Variants in FAM227B observed in about 807,000 individuals in gnomAD.
FAM227B encodes family with sequence similarity 227 member B, also known as protein FAM227B.
FAM227B carries 88 observed loss-of-function variants against 73.8 expected under a neutral mutation model. That is an observed-to-expected ratio of 1.19 (90% CI 1.00 to 1.42). The LOEUF is 1.42. FAM227B is among the 40% of genes most tolerant of loss of function. The probability of loss-of-function intolerance (pLI) is 0.00; values close to 1 mark genes in which losing one functional copy is unlikely to be tolerated. For synonymous variants in FAM227B, 210 were observed against 190.5 expected, an observed-to-expected ratio of 1.10 and a Z score of -0.84; for missense variants, 632 against 590.9, an observed-to-expected ratio of 1.07 and a Z score of -0.72.
chr15:49,396,690 CT>C (rs1162601455), intron 11 of FAM227B, among the ~76,000 whole-genome samples: 8 of 151,284 alleles, frequency 5.3e-5, no homozygotes, highest in African/African-American at 1.9e-4. Flanking sequence ...TCCCTGACCC[CT>C]GACCCCCGAG....
chr15:49,335,068 A>G (rs1274891774), intron 14 of FAM227B, among the ~76,000 whole-genome samples: 1 of 152,114 alleles, frequency 6.6e-6, no homozygotes, highest in Non-Finnish European at 1.5e-5. Context: ...GCTCCAGGGA[A>G]TTCCTTCCAC....
chr15:49,511,879 T>C (rs1225979124), intron 10 of FAM227B, among the ~76,000 whole-genome samples: 2 of 152,134 alleles, frequency 1.3e-5, no homozygotes, highest in Admixed American at 1.3e-4. Context: ...GTTGATTCTA[T>C]GTCTTTGCTA....
chr15:49,396,094 C>T, intron 11 of FAM227B: 1 of 426,622 alleles, frequency 2.3e-6, no homozygotes, highest in Non-Finnish European at 4.7e-6. Flanking sequence ...CCAGGTTCAT[C>T]TCACTAGGGA....
chr15:49,405,403 T>C (rs977887118), intron 11 of FAM227B, among the ~76,000 whole-genome samples: 1 of 152,200 alleles, frequency 6.6e-6, no homozygotes, highest in African/African-American at 2.4e-5. Context: ...AGTCATAGAG[T>C]TGGTTTCTTT....
intron 9 of FAM227B, among the ~76,000 whole-genome samples, chr15:49,565,314 G>A (rs1447393027): frequency 6.6e-5 from 10 of 150,844 alleles, no homozygotes; most frequent in African/African-American, 2.4e-4. Flanking sequence ...CCCGGGAGGC[G>A]GAGGTTGCAG....
At chr15:49,385,443 C>A (rs1465428514) in intron 11 of FAM227B, among the ~76,000 whole-genome samples, 1 of 151,504 alleles carries the variant, frequency 6.6e-6, no homozygotes, top group African/African-American at 2.4e-5. Flanking sequence ...TATGCAAAAA[C>A]ACAGTGTCTG....
chr15:49,505,091 A>G (rs2058478114), intron 11 of FAM227B, among the ~76,000 whole-genome samples: 1 of 152,218 alleles, frequency 6.6e-6, no homozygotes, highest in Non-Finnish European at 1.5e-5. Context: ...GATTATTAAT[A>G]CATGTAACAA....
chr15:49,517,441 T>A (rs2059451264), intron 10 of FAM227B, among the ~76,000 whole-genome samples: 1 of 152,142 alleles, frequency 6.6e-6, no homozygotes, highest in Non-Finnish European at 1.5e-5. Context: ...CAACAAGTGC[T>A]TTTGCCAGTG....
At chr15:49,366,658 AG>A in intron 13 of FAM227B, 1 of 1,547,348 alleles carries the variant, frequency 6.5e-7, no homozygotes, top group Non-Finnish European at 8.9e-7. Context: ...CGGCCGTGGC[AG>A]GGGACAGCCG....
chr15:49,479,599 G>GTTTTTTTTTTTTTTTT lies in FAM227B; in HGVS notation c.1012+28596_1012+28611dup, dbSNP rs56097665. On this transcript the variant is annotated intron_variant, in intron 11 of 15. Transcript: ENST00000299338. ...GTAGGATTTCATAGTTAATACCTCT[G>GTTTTTTTTTTTTTTTT]TTTTTTTTTTTTTTTTTTTTTTTTT... is the stretch of plus-strand genomic sequence containing the variant. Among the ~76,000 whole-genome samples the GTTTTTTTTTTTTTTTT allele has an allele frequency of 1.4e-4, 9 of 63,322 alleles. 1 individual carries two copies. The highest frequency in any genetic ancestry group is 5.0e-4 in the African/African-American group (8 of 15,942). The allele number at this position is 63,322 out of a possible 152,430, so 41.5% of individuals were successfully genotyped here.
chr15:49,570,311 AAC>A (rs1454409394), intron 8 of FAM227B, among the ~76,000 whole-genome samples: 6 of 151,870 alleles, frequency 4.0e-5, no homozygotes, highest in Non-Finnish European at 5.9e-5. Flanking sequence ...TCTTTTTGAT[AAC>A]AGTCATGTGA....
intron 11 of FAM227B, among the ~76,000 whole-genome samples, chr15:49,412,662 ATGTATTATATTAC>A (rs2151692026): frequency 6.6e-6 from 1 of 152,202 alleles, no homozygotes; most frequent in South Asian, 2.1e-4. Context: ...TTCCGATATC[ATGTATTATATTAC>A]TGGGGCCTAT....
chr15:49,540,275 C>T (rs555820101), intron 10 of FAM227B, among the ~76,000 whole-genome samples: 4 of 152,270 alleles, frequency 2.6e-5, no homozygotes, highest in African/African-American at 7.2e-5. Context: ...CTTTGCAGAG[C>T]AGGCCACTGG....
At chr15:49,349,329 TCCTC>T in intron 13 of FAM227B, among the ~76,000 whole-genome samples, 1 of 152,172 alleles carries the variant, frequency 6.6e-6, no homozygotes, top group African/African-American at 2.4e-5. Flanking sequence ...TTAAAACTCA[TCCTC>T]CCCCTCTTAA....
chr15:49,367,451 T>C lies in FAM227B; in HGVS notation c.1268A>G (p.Glu423Gly). Residue 423 changes from glutamate (E) to glycine (G), a missense_variant, in exon 13 of 16, where the codon GAA becomes GGA. Glu to Gly is a moderately conservative substitution (Grantham distance 98, BLOSUM62 -2). Transcript: ENST00000299338. ...AGCAAAGCTTTAAAAAGGATATGGTTCCTGGAATATCTTAGTGAGTTTAAT... is the reference window on the plus strand; with the variant it reads ...AGCAAAGCTTTAAAAAGGATATGGTCCCTGGAATATCTTAGTGAGTTTAAT... The part of the protein sequence containing the change: ...TKIKLTKIFQ[E>G]PLPAPTYRDV... 6.4e-7 allele frequency: 1 copy of C among 1,573,222 alleles called. No homozygotes were observed. Among genetic ancestry groups the C allele is most frequent in the Non-Finnish European group, 8.5e-7 (1 of 1,169,662 alleles).
At chr15:49,406,046 C>T (rs1305106724) in intron 11 of FAM227B, among the ~76,000 whole-genome samples, 1 of 152,216 alleles carries the variant, frequency 6.6e-6, no homozygotes, top group African/African-American at 2.4e-5. Context: ...GGACTGCGAG[C>T]TCTAACTCTG....
intron 5 of FAM227B, among the ~76,000 whole-genome samples, chr15:49,583,436 T>A (rs2075944328): frequency 6.6e-6 from 1 of 151,904 alleles, no homozygotes; most frequent in African/African-American, 2.4e-5. Context: ...ACTGCTACAC[T>A]CCCACCAGCA....
chr15:49,502,064 T>G (rs2058180833), intron 11 of FAM227B, among the ~76,000 whole-genome samples: 1 of 152,120 alleles, frequency 6.6e-6, no homozygotes, highest in African/African-American at 2.4e-5. Flanking sequence ...TCTGCTTAGA[T>G]TTGAGGATGT....
At chr15:49,386,559 C>T (rs2046896826) in intron 11 of FAM227B, among the ~76,000 whole-genome samples, 1 of 151,566 alleles carries the variant, frequency 6.6e-6, no homozygotes, top group South Asian at 2.1e-4. Flanking sequence ...TCTGAAAGTG[C>T]CCAAATTGAT....
Sources: gnomAD v4.1 joint callset for allele counts (sites outside exome capture counted in the v4.1 genomes callset) on GRCh38, gnomAD v4.1.1 for gene constraint, MANE v1.5 for transcripts, NCBI Gene and HGNC (gene_info 2026-07-23, HGNC 2026-07-21) for gene names.